RFX7: variants seen among roughly 807,000 people sequenced by gnomAD.
RFX7 encodes DNA-binding protein RFX7.
A neutral mutation model predicts 111.8 loss-of-function variants in RFX7; 26 were observed. That is an observed-to-expected ratio of 0.23 (90% CI 0.17 to 0.32). RFX7 has a LOEUF of 0.32. RFX7 is among the 10% of genes least tolerant of loss of function. The pLI is 1.00. For synonymous variants in RFX7, 624 were observed against 624.4 expected, an observed-to-expected ratio of 1.00 and a Z score of 0.01; for missense variants, 1,573 against 1,772.9, an observed-to-expected ratio of 0.89 and a Z score of 2.02.
At chr15:56,109,001 C>G (rs2041868391) in intron 5 of RFX7, among the ~76,000 whole-genome samples, 1 of 151,680 alleles carries the variant, frequency 6.6e-6, no homozygotes, top group African/African-American at 2.4e-5. Flanking sequence ...TGAAGGACCT[C>G]TTCAAGAACT....
At chr15:56,203,040 AG>A (rs1384478148) in intron 2 of RFX7, among the ~76,000 whole-genome samples, 1 of 152,218 alleles carries the variant, frequency 6.6e-6, no homozygotes, top group Non-Finnish European at 1.5e-5. Context: ...ACCAAAAAAA[AG>A]TGACTAAGCT....
chr15:56,177,804 A>G (rs867040124), intron 3 of RFX7, among the ~76,000 whole-genome samples: 1 of 152,150 alleles, frequency 6.6e-6, no homozygotes, highest in Admixed American at 6.5e-5. Flanking sequence ...ACATGAAATA[A>G]TTACAGAATG....
intron 2 of RFX7, among the ~76,000 whole-genome samples, chr15:56,196,652 C>A (rs1419814977): frequency 2.0e-5 from 3 of 151,816 alleles, no homozygotes; most frequent in African/African-American, 7.3e-5. Context: ...CCTGCTGGCA[C>A]CTTGATCTTC....
At chr15:56,216,801 T>C (rs2043366793) in intron 2 of RFX7, among the ~76,000 whole-genome samples, 1 of 152,204 alleles carries the variant, frequency 6.6e-6, no homozygotes, top group Admixed American at 6.5e-5. Flanking sequence ...CTACATCTTC[T>C]AATTTTTGTC....
At chr15:56,154,023 T>C (rs2042615175) in intron 3 of RFX7, among the ~76,000 whole-genome samples, 1 of 152,140 alleles carries the variant, frequency 6.6e-6, no homozygotes, top group South Asian at 2.1e-4. Context: ...ATGAGTGAAC[T>C]CCCATTCATA....
At chr15:56,151,960 A>C (rs1383286996) in intron 3 of RFX7, among the ~76,000 whole-genome samples, 1 of 152,204 alleles carries the variant, frequency 6.6e-6, no homozygotes, top group Non-Finnish European at 1.5e-5. Context: ...GAGACAAAGA[A>C]GGGCATTACA....
chr15:56,143,372 CACAT>C (rs1290289768), intron 4 of RFX7, among the ~76,000 whole-genome samples: 7 of 151,808 alleles, frequency 4.6e-5, no homozygotes, highest in African/African-American at 1.7e-4. Flanking sequence ...CACACACACA[CACAT>C]ATATATGTAT....
At position 56,095,419 on chromosome 15, in the gene RFX7, T is replaced by C. The variant is rs1157834273; in HGVS notation, c.2309A>G (p.Asp770Gly). The change falls in exon 10 of 10, where the codon GAT becomes GGT. Residue 770 changes from aspartate (D) to glycine (G), a missense_variant. Around this residue, in one of 7 missense-constraint regions of RFX7, gnomAD observed 625 missense variants for 632.2 expected, o/e 0.99. Coordinates refer to ENST00000559447, the MANE Select transcript of RFX7 (RefSeq NM_022841.7). ...ATTAAAGCTGCCAACTGACTTTGAA[T>C]CACTGTCCAAGAGAAAGACACTTCC... ...LEGSVFLLDSDSKSVGSFNPN... is the reference protein window; with the variant it reads ...LEGSVFLLDSGSKSVGSFNPN... 1.2e-6 allele frequency: 2 copies of C among 1,613,104 alleles called. No homozygotes were observed. Among genetic ancestry groups the C allele is most frequent in the Non-Finnish European group, 1.7e-6 (2 of 1,179,888 alleles).
chr15:56,116,809 C>G (rs1218760469), intron 5 of RFX7, among the ~76,000 whole-genome samples: 1 of 150,734 alleles, frequency 6.6e-6, no homozygotes, highest in African/African-American at 2.5e-5. Context: ...AATGAATAAA[C>G]TAAAATGCAT....
intron 2 of RFX7, among the ~76,000 whole-genome samples, chr15:56,187,229 T>C (rs1459222227): frequency 2.0e-5 from 3 of 150,648 alleles, no homozygotes; most frequent in African/African-American, 7.4e-5. Context: ...TTTTTTTTTT[T>C]AGATGGAGTC....
At chr15:56,143,638 A>G (rs2042431737) in intron 4 of RFX7, among the ~76,000 whole-genome samples, 1 of 152,188 alleles carries the variant, frequency 6.6e-6, no homozygotes, top group Non-Finnish European at 1.5e-5. Flanking sequence ...CATCTCAGCT[A>G]TCTGTAAGAA....
chr15:56,150,673 C>T (rs576865506), intron 3 of RFX7, among the ~76,000 whole-genome samples: 1 of 152,334 alleles, frequency 6.6e-6, no homozygotes, highest in East Asian at 1.9e-4. Context: ...CAAAGGATCA[C>T]AACCCCTCGC....
At chr15:56,196,535 G>A (rs1403099399) in intron 2 of RFX7, among the ~76,000 whole-genome samples, 3 of 151,950 alleles carry the variant, frequency 2.0e-5, no homozygotes, top group African/African-American at 7.3e-5. Flanking sequence ...ACATAGAAGT[G>A]TGGATTCAAT....
rs771598257 is a variant in RFX7, at chr15:56,096,363, A to G, written c.1365T>C (p.Ser455=). 8.1e-6 allele frequency: 13 copies of G among 1,613,806 alleles called. No homozygotes were observed. Among genetic ancestry groups the G allele is most frequent in the Non-Finnish European group, 1.0e-5 (12 of 1,179,876 alleles). The change falls in exon 10 of 10, where the codon AGT becomes AGC. Residue 455 remains serine, a synonymous_variant. Transcript: ENST00000559447. ...RSPTTVLFTS[S]PIKTAVVPAS... ...CGGGTACAACAGCAGTTTTGATGGGACTACTAGTAAAGAGGACAGTAGTTG... is the reference window on the plus strand; with the variant it reads ...CGGGTACAACAGCAGTTTTGATGGGGCTACTAGTAAAGAGGACAGTAGTTG...
intron 2 of RFX7, among the ~76,000 whole-genome samples, chr15:56,236,602 T>A (rs1446568578): frequency 2.0e-5 from 3 of 152,304 alleles, no homozygotes; most frequent in African/African-American, 7.2e-5. Context: ...GATTACTTAT[T>A]AAAATATCTA....
chr15:56,097,696 G>A (rs1216472937), intron 9 of RFX7, among the ~76,000 whole-genome samples: 9 of 120,308 alleles, frequency 7.5e-5, no homozygotes, highest in Non-Finnish European at 1.4e-4. Flanking sequence ...GCAGTGAGCC[G>A]AGATCACAGC....
intron 2 of RFX7, among the ~76,000 whole-genome samples, chr15:56,206,164 C>T (rs1273782143): frequency 2.0e-5 from 3 of 151,750 alleles, no homozygotes; most frequent in African/African-American, 7.3e-5. Context: ...TTCACAATAA[C>T]CAAAAAGTGG....
chr15:56,109,975 C>A (rs1242994921), intron 5 of RFX7, among the ~76,000 whole-genome samples: 2 of 141,172 alleles, frequency 1.4e-5, no homozygotes, highest in South Asian at 2.3e-4. Flanking sequence ...GGGGGATCAG[C>A]CCCCTGCCCG....
chr15:56,142,889 G>T lies in RFX7; in HGVS notation c.290C>A (p.Ala97Asp). The change falls in exon 5 of 10, where the codon GCC becomes GAC. Residue 97 changes from alanine to aspartate, a missense_variant. Around this residue, in one of 7 missense-constraint regions of RFX7, gnomAD observed 191 missense variants for 194.2 expected, o/e 0.98. Transcript: ENST00000559447. ...LSNGEKSDQN[A>D]MSSSRAQQMH... ...TTGTTGTGCCCGACTAGATGACATGGCATTCTGATCACTAATAGAATGAAA... is the reference window on the plus strand; with the variant it reads ...TTGTTGTGCCCGACTAGATGACATGTCATTCTGATCACTAATAGAATGAAA... 6.2e-7 allele frequency: 1 copy of T among 1,613,442 alleles called. No individual in the cohort carries two copies. Among genetic ancestry groups the T allele is most frequent in the Non-Finnish European group, 8.5e-7 (1 of 1,179,650 alleles).
Sources: allele counts gnomAD v4.1 joint callset (sites outside exome capture counted in the v4.1 genomes callset), GRCh38; gene constraint gnomAD v4.1.1; regional missense constraint gnomAD v4.1.1; transcripts MANE v1.5; gene names NCBI Gene and HGNC (gene_info 2026-07-23, HGNC 2026-07-21).